PTPRM: variants seen among roughly 807,000 people sequenced by gnomAD.
The protein encoded by PTPRM is receptor-type tyrosine-protein phosphatase mu.
PTPRM carries 47 observed loss-of-function variants against 186.7 expected under a neutral mutation model. That is an observed-to-expected ratio of 0.25 (90% CI 0.20 to 0.32). The LOEUF (loss-of-function observed/expected upper bound fraction) is 0.32. PTPRM is among the 10% of genes least tolerant of loss of function. PTPRM has a pLI of 1.00. For missense variants in PTPRM, 1,494 were observed against 1,865.0 expected, an observed-to-expected ratio of 0.80 and a Z score of 3.66; for synonymous variants, 668 against 674.9, an observed-to-expected ratio of 0.99 and a Z score of 0.16.
chr18:8,323,238 GCA>G (rs1173010027), intron 22 of PTPRM, among the ~76,000 whole-genome samples: 1 of 152,136 alleles, frequency 6.6e-6, no homozygotes, highest in East Asian at 1.9e-4. Context: ...GACATGGCTT[GCA>G]CAGTCCTGAG....
intron 23 of PTPRM, among the ~76,000 whole-genome samples, chr18:8,351,795 C>T (rs2095535633): frequency 6.6e-6 from 1 of 152,186 alleles, no homozygotes; most frequent in African/African-American, 2.4e-5. Context: ...ACGCCACTAC[C>T]CCCAGCACAT....
chr18:7,709,383 A>ACCTCTGT (rs1555656022), intron 1 of PTPRM, among the ~76,000 whole-genome samples: 262 of 152,312 alleles, frequency 1.7e-3, no homozygotes, highest in African/African-American at 6.1e-3. Flanking sequence ...ACAACTTATC[A>ACCTCTGT]AAACCTCTGG....
intron 2 of PTPRM, among the ~76,000 whole-genome samples, chr18:7,845,164 A>C (rs1235791109): frequency 1.3e-5 from 2 of 152,136 alleles, no homozygotes; most frequent in African/African-American, 4.8e-5. Flanking sequence ...AGCTTTTAAG[A>C]GTTGTTTTCT....
intron 1 of PTPRM, among the ~76,000 whole-genome samples, chr18:7,748,765 C>T (rs2041067596): frequency 6.6e-6 from 1 of 152,232 alleles, no homozygotes; most frequent in East Asian, 1.9e-4. Context: ...ATCCTCCTTG[C>T]CACTTTTAAA....
chr18:7,866,517 T>G (rs2047705908), intron 2 of PTPRM, among the ~76,000 whole-genome samples: 1 of 152,250 alleles, frequency 6.6e-6, no homozygotes, highest in Non-Finnish European at 1.5e-5. Context: ...TTCTTAATCC[T>G]AAGTTCTAAT....
chr18:8,051,697 C>T (rs1465663290), intron 7 of PTPRM, among the ~76,000 whole-genome samples: 1 of 151,996 alleles, frequency 6.6e-6, no homozygotes, highest in Non-Finnish European at 1.5e-5. Flanking sequence ...TCTAACTTTC[C>T]ATTGTAGGGA....
At chr18:7,865,426 G>A (rs1567937415) in intron 2 of PTPRM, among the ~76,000 whole-genome samples, 1 of 152,132 alleles carries the variant, frequency 6.6e-6, no homozygotes, top group African/African-American at 2.4e-5. Flanking sequence ...GGCCTTTACT[G>A]CATCTATTGA....
Position 7,888,344 on chromosome 18 carries a change from G to A in PTPRM, c.435G>A (p.Leu145=). 6.2e-7 allele frequency: 1 copy of A among 1,612,608 alleles called. No homozygotes were observed. The highest frequency in any genetic ancestry group is 2.2e-5 in the East Asian group (1 of 44,872). The change falls in exon 3 of 33, where the codon CTG becomes CTA. Residue 145 remains leucine, a synonymous_variant. Coordinates refer to ENST00000580170, the MANE Select transcript of PTPRM (RefSeq NM_001105244.2). ...CACGTACATGGAACAGGGCAGAACT[G>A]GCCATTAGTACTTTCTGGCCTAACT... The part of the protein sequence containing the change: ...DPTRTWNRAE[L]AISTFWPNFY...
At chr18:8,177,641 G>A (rs1290791811) in intron 14 of PTPRM, among the ~76,000 whole-genome samples, 1 of 152,208 alleles carries the variant, frequency 6.6e-6, no homozygotes, top group African/African-American at 2.4e-5. Context: ...TCAGAAGAAA[G>A]AATTCAACCC....
chr18:8,127,178 T>C (rs2092388701), intron 13 of PTPRM, among the ~76,000 whole-genome samples: 1 of 151,786 alleles, frequency 6.6e-6, no homozygotes, highest in African/African-American at 2.4e-5. Flanking sequence ...ACAGAGTAAG[T>C]AGATGTGAAT....
chr18:7,885,025 G>A (rs1176350007), intron 2 of PTPRM, among the ~76,000 whole-genome samples: 1 of 145,346 alleles, frequency 6.9e-6, no homozygotes, highest in African/African-American at 2.5e-5. Context: ...ATGCAGCTTT[G>A]TAGCTGGCAA....
At chr18:8,201,877 T>A (rs1438845065) in intron 14 of PTPRM, among the ~76,000 whole-genome samples, 1 of 152,236 alleles carries the variant, frequency 6.6e-6, no homozygotes, top group East Asian at 1.9e-4. Context: ...GTCCGTCATT[T>A]CATTTCAACA....
intron 2 of PTPRM, among the ~76,000 whole-genome samples, chr18:7,860,083 T>TA (rs1423285589): frequency 2.0e-5 from 3 of 152,096 alleles, no homozygotes; most frequent in African/African-American, 4.8e-5. Context: ...TATTTTATTT[T>TA]TTTTTTTGAG....
intron 1 of PTPRM, among the ~76,000 whole-genome samples, chr18:7,733,704 G>A (rs2040708942): frequency 2.6e-5 from 4 of 152,108 alleles, no homozygotes; most frequent in Admixed American, 2.6e-4. Context: ...CAAACAGAGG[G>A]TCCCTGTAAG....
chr18:8,078,926 A>C (rs1445282274), intron 9 of PTPRM, among the ~76,000 whole-genome samples: 2 of 152,192 alleles, frequency 1.3e-5, no homozygotes, highest in Non-Finnish European at 2.9e-5. Flanking sequence ...TTCTGCCCAC[A>C]TGACCCAAAC....
chr18:7,677,742 T>A (rs1212861312), intron 1 of PTPRM, among the ~76,000 whole-genome samples: 1 of 152,100 alleles, frequency 6.6e-6, no homozygotes, highest in African/African-American at 2.4e-5. Context: ...CTGCCTGAAA[T>A]GCTCTGTGCC....
intron 2 of PTPRM, among the ~76,000 whole-genome samples, chr18:7,802,683 G>T (rs76922917): frequency 6.6e-6 from 1 of 152,132 alleles, no homozygotes; most frequent in Non-Finnish European, 1.5e-5. Flanking sequence ...TTTGGAATCC[G>T]ATTTCCTAGT....
chr18:7,861,956 A>G (rs2047408760), intron 2 of PTPRM, among the ~76,000 whole-genome samples: 1 of 152,160 alleles, frequency 6.6e-6, no homozygotes, highest in Non-Finnish European at 1.5e-5. Context: ...GGTGCCTGAA[A>G]TTCTGTGCTT....
chr18:8,306,673 T>C (rs1004898728), intron 20 of PTPRM, among the ~76,000 whole-genome samples: 1 of 152,184 alleles, frequency 6.6e-6, no homozygotes, highest in African/African-American at 2.4e-5. Flanking sequence ...TTTTCCAAAC[T>C]TTTTCCTCCC....
Sources: allele counts gnomAD v4.1 joint callset (sites outside exome capture counted in the v4.1 genomes callset), GRCh38; gene constraint gnomAD v4.1.1; transcripts MANE v1.5; gene names NCBI Gene and HGNC (gene_info 2026-07-23, HGNC 2026-07-21).